RBM19: variants seen among roughly 807,000 people sequenced by gnomAD.
The protein encoded by RBM19 is RNA binding motif protein 19.
In RBM19, 94 loss-of-function variants were observed where a neutral mutation model predicts 116.8. The observed-to-expected ratio is 0.80, with a 90% CI of 0.68 to 0.95. The LOEUF is 0.95. RBM19 is among the 40% of genes least tolerant of loss of function. RBM19 has a pLI of 0.00. For missense variants in RBM19, 1,161 were observed against 1,220.7 expected, an observed-to-expected ratio of 0.95 and a Z score of 0.73; for synonymous variants, 475 against 494.1, an observed-to-expected ratio of 0.96 and a Z score of 0.51.
rs375732464 is a variant in RBM19, at chr12:113,875,105, G to A, written c.2559-16209C>T. ...GGCGAAGCCACGGTGCGGACCGTTC[G>A]ACAGAAAGCGTTGGAGGCCTCCCAG... On this transcript the variant is annotated intron_variant, in intron 21 of 23. Transcript: ENST00000261741. Among the ~76,000 whole-genome samples, 16 of 152,370 alleles carry A rather than the reference G, an allele frequency of 1.1e-4. No homozygotes were observed. The East Asian group carries it at 2.5e-3, about 24-fold the overall frequency.
intron 21 of RBM19, among the ~76,000 whole-genome samples, chr12:113,866,209 T>C (rs1368486146): frequency 6.6e-6 from 1 of 152,188 alleles, no homozygotes; most frequent in African/African-American, 2.4e-5. Context: ...CTCATCATGG[T>C]GAGAGCCAGG....
intron 18 of RBM19, among the ~76,000 whole-genome samples, chr12:113,923,622 A>C (rs4767167): frequency 0.62 from 94,298 of 152,024 alleles, 29,949 homozygotes; most frequent in Middle Eastern, 0.81. Flanking sequence ...GTATCTCCTG[A>C]CTCTTCCTCA....
intron 21 of RBM19, among the ~76,000 whole-genome samples, chr12:113,895,780 AT>A: frequency 6.6e-6 from 1 of 151,580 alleles, no homozygotes; most frequent in South Asian, 2.1e-4. Flanking sequence ...GTGCAACTAC[AT>A]TTTTTAAAAA....
intron 21 of RBM19, 38 bp from the exon 22 acceptor site, chr12:113,858,934 G>C (rs60748226): frequency 0.018 from 28,431 of 1,593,230 alleles, 701 homozygotes; most frequent in African/African-American, 0.12. Flanking sequence ...TTTAAGAATA[G>C]AGGCCCGCAA....
intron 21 of RBM19, among the ~76,000 whole-genome samples, chr12:113,880,447 C>G (rs992275562): frequency 3.3e-5 from 5 of 152,186 alleles, no homozygotes; most frequent in African/African-American, 1.2e-4. Context: ...TAGCTGAGAT[C>G]CTGACAGGTA....
chr12:113,963,418 A>G (rs1872653728), intron 1 of RBM19, among the ~76,000 whole-genome samples: 1 of 152,208 alleles, frequency 6.6e-6, no homozygotes, highest in Admixed American at 6.5e-5. Context: ...TCAGGGCCCC[A>G]CGAACAGCCA....
chr12:113,950,439 C>T (rs1454468108), intron 8 of RBM19, among the ~76,000 whole-genome samples: 3 of 152,142 alleles, frequency 2.0e-5, no homozygotes, highest in Non-Finnish European at 2.9e-5. Context: ...CAAGCCTCAC[C>T]CCCATCCCCC....
chr12:113,958,516 T>C (rs139621058), intron 5 of RBM19, among the ~76,000 whole-genome samples: 2,077 of 152,240 alleles, frequency 0.014, 15 homozygotes, highest in South Asian at 0.022. Flanking sequence ...CTTTCCTCTG[T>C]GTCTCTGCGA....
intron 23 of RBM19, among the ~76,000 whole-genome samples, chr12:113,830,037 C>T (rs904831794): frequency 3.3e-5 from 5 of 152,164 alleles, no homozygotes; most frequent in African/African-American, 7.2e-5. Flanking sequence ...AGCAGCCGCA[C>T]TAGGACTCTG....
intron 21 of RBM19, among the ~76,000 whole-genome samples, chr12:113,883,645 T>A (rs1880305014): frequency 6.6e-6 from 1 of 152,214 alleles, no homozygotes; most frequent in Non-Finnish European, 1.5e-5. Context: ...GCAGGTTAGG[T>A]AACCTGGCCA....
At chr12:113,923,854 C>T (rs1009842740) in intron 18 of RBM19, among the ~76,000 whole-genome samples, 2 of 152,216 alleles carry the variant, frequency 1.3e-5, no homozygotes, top group African/African-American at 4.8e-5. Context: ...GGCAGGGCTG[C>T]GTCTCCCTCA....
At chr12:113,908,170 G>C (rs1017171040) in intron 21 of RBM19, among the ~76,000 whole-genome samples, 6 of 152,188 alleles carry the variant, frequency 3.9e-5, no homozygotes, top group Non-Finnish European at 8.8e-5. Flanking sequence ...TTTCTTCAGG[G>C]AAAGCCTGGA....
chr12:113,827,523 G>A (rs1474518184), intron 23 of RBM19, among the ~76,000 whole-genome samples: 1 of 147,096 alleles, frequency 6.8e-6, no homozygotes, highest in East Asian at 2.1e-4. Context: ...AGGGCGGGGG[G>A]GCGGGGGGGT....
In RBM19 at chr12:113,825,760, C is replaced by T. The variant is rs1356051073; in HGVS notation, c.2786-2439G>A. Reference sequence around the variant, plus strand: ...GCTCAACCTGTAAGATAGAGCTGGACTTGGGGTGCTTCTTCCCCATGCTCC... The same window carrying T: ...GCTCAACCTGTAAGATAGAGCTGGATTTGGGGTGCTTCTTCCCCATGCTCC... On this transcript the variant is annotated intron_variant, in intron 23 of 23. Coordinates refer to ENST00000261741, the MANE Select transcript of RBM19 (RefSeq NM_016196.4). This position sits in a 1 kb window ranked among gnomAD's most constrained non-coding sequence, Gnocchi z 5.7. Among the ~76,000 whole-genome samples, 1 of 152,178 alleles carries T rather than the reference C, an allele frequency of 6.6e-6. No individual in the cohort carries two copies. Among genetic ancestry groups the T allele is most frequent in the Admixed American group, 6.5e-5 (1 of 15,286 alleles).
At chr12:113,877,112 TCTCA>T (rs1879724226) in intron 21 of RBM19, among the ~76,000 whole-genome samples, 1 of 152,170 alleles carries the variant, frequency 6.6e-6, no homozygotes, top group Admixed American at 6.5e-5. Context: ...GCGTGGCTTG[TCTCA>T]CTCTCTGCAA....
chr12:113,817,664 T>C (rs533522791), downstream of RBM19: 1 of 150,690 alleles, frequency 6.6e-6, no homozygotes, highest in East Asian at 2.0e-4. Context: ...GTTCGCTGGC[T>C]CTTTCTTTAA....
chr12:113,940,195 G>A (rs1274251979), intron 14 of RBM19, 35 bp from the exon 15 acceptor site: 4 of 1,584,622 alleles, frequency 2.5e-6, no homozygotes, highest in African/African-American at 1.3e-5. Flanking sequence ...TGGGACCACA[G>A]GAGGGAGGAG....
At chr12:113,926,992 G>T (rs896201826) in intron 17 of RBM19, 62 bp downstream of exon 17, 4 of 1,521,348 alleles carry the variant, frequency 2.6e-6, no homozygotes, top group East Asian at 2.3e-5. Flanking sequence ...TGCAGTGGCC[G>T]TATCAGTAGA....
At chr12:113,900,217 TA>T (rs1355841136) in intron 21 of RBM19, among the ~76,000 whole-genome samples, 1 of 152,182 alleles carries the variant, frequency 6.6e-6, no homozygotes, top group African/African-American at 2.4e-5. Flanking sequence ...GTTAATTATT[TA>T]TTTTTTTAAG....
Sources: allele counts gnomAD v4.1 joint callset (sites outside exome capture counted in the v4.1 genomes callset), GRCh38; gene constraint gnomAD v4.1.1; non-coding constraint Gnocchi (gnomAD v3.1); transcripts MANE v1.5; gene names NCBI Gene and HGNC (gene_info 2026-07-23, HGNC 2026-07-21).